Variants in CAMSAP1 observed in about 807,000 individuals in gnomAD.
The protein encoded by CAMSAP1 is calmodulin-regulated spectrin-associated protein 1.
In CAMSAP1, 58 loss-of-function variants were observed where a neutral mutation model predicts 143.5. The ratio of observed to expected loss-of-function variants is 0.40; its 90% confidence interval spans 0.33 to 0.50. The LOEUF (loss-of-function observed/expected upper bound fraction) is 0.50, where lower values mean the gene tolerates loss of function less well. Among genes scored for constraint, CAMSAP1 ranks in the 20% least tolerant of loss-of-function variants. The probability of loss-of-function intolerance (pLI) is 0.45; values close to 1 mark genes in which losing one functional copy is unlikely to be tolerated. For synonymous variants in CAMSAP1, 945 were observed against 859.3 expected (o/e 1.10, Z -1.74); for missense variants, 1,969 against 2,115.7 (o/e 0.93, Z 1.36).
intron 4 of CAMSAP1, chr9:135,865,215 A>G: frequency 1.0e-6 from 1 of 961,408 alleles, no homozygotes; most frequent in Non-Finnish European, 1.6e-6. Flanking sequence ...CCAAGGTGGG[A>G]CATTTAAACA....
intron 4 of CAMSAP1, among the ~76,000 whole-genome samples, chr9:135,863,288 C>T (rs1184141849): frequency 6.6e-6 from 1 of 152,186 alleles, no homozygotes; most frequent in African/African-American, 2.4e-5. Flanking sequence ...ATCAAACCCT[C>T]AGATCTGCCC....
At chr9:135,876,065 C>A (rs184390416) in intron 3 of CAMSAP1, among the ~76,000 whole-genome samples, 1 of 152,222 alleles carries the variant, frequency 6.6e-6, no homozygotes, top group East Asian at 1.9e-4. Context: ...AAGTGATTCT[C>A]CTGCCTCAGC....
rs77145293 is a variant in CAMSAP1, at chr9:135,885,488, C to G, written c.161-2410G>C. 6.6e-3 allele frequency among the ~76,000 whole-genome samples: 999 copies of G among 152,148 alleles called. 6 individuals are homozygous for G. The highest frequency in any genetic ancestry group is 0.022 in the African/African-American group (924 of 41,512). ...TGATGGCTCTGTGCAGAGTGGGAGA[C>G]GGGACAGGCACGTAAGTGGAGGGCT... On this transcript the variant is annotated intron_variant, in intron 1 of 16. Coordinates refer to ENST00000389532, the MANE Select transcript of CAMSAP1 (RefSeq NM_015447.4).
At chr9:135,860,582 A>T (rs887692274) in intron 5 of CAMSAP1, among the ~76,000 whole-genome samples, 4 of 139,202 alleles carry the variant, frequency 2.9e-5, no homozygotes, top group African/African-American at 1.1e-4. Flanking sequence ...TGGGTGACAG[A>T]GCAAGACTCT....
At chr9:135,903,935 G>T (rs1365429304) in intron 1 of CAMSAP1, among the ~76,000 whole-genome samples, 1 of 152,160 alleles carries the variant, frequency 6.6e-6, no homozygotes, top group Non-Finnish European at 1.5e-5. Flanking sequence ...AGCCACACTG[G>T]GTAGCAGCGA....
chr9:135,817,905 A>C (rs2131643916), intron 14 of CAMSAP1, 72 bp downstream of exon 14: 3 of 1,187,356 alleles, frequency 2.5e-6, no homozygotes, highest in East Asian at 2.4e-5. Context: ...CACCGTGTTT[A>C]ATCAGGAAGT....
At chr9:135,900,705 A>G (rs1304099322) in intron 1 of CAMSAP1, among the ~76,000 whole-genome samples, 1 of 152,012 alleles carries the variant, frequency 6.6e-6, no homozygotes, top group Non-Finnish European at 1.5e-5. Flanking sequence ...AAAAAAAAGA[A>G]AGAGAGGACT....
intron 1 of CAMSAP1, among the ~76,000 whole-genome samples, chr9:135,886,924 T>A (rs1262320194): frequency 6.6e-6 from 1 of 152,150 alleles, no homozygotes; most frequent in African/African-American, 2.4e-5. Flanking sequence ...CGGTCCCTTT[T>A]CCTAAGACAG....
chr9:135,819,672 T>TAAAAA (rs55894826), intron 11 of CAMSAP1, among the ~76,000 whole-genome samples: 3 of 104,632 alleles, frequency 2.9e-5, no homozygotes, highest in East Asian at 2.7e-4. Flanking sequence ...TGTCTCCACT[T>TAAAAA]AAAAAAAAAA....
At chr9:135,900,811 G>T (rs562471394) in intron 1 of CAMSAP1, among the ~76,000 whole-genome samples, 3 of 152,286 alleles carry the variant, frequency 2.0e-5, no homozygotes, top group Non-Finnish European at 4.4e-5. Context: ...CTGGAGTGCA[G>T]TGGCGTAGTC....
intron 7 of CAMSAP1, among the ~76,000 whole-genome samples, chr9:135,847,819 T>G: frequency 2.7e-5 from 1 of 37,256 alleles, no homozygotes; most frequent in African/African-American, 1.2e-4. Context: ...CTGCAGGTTG[T>G]GCACAAGTAT....
At chr9:135,904,255 G>A (rs796890363) in intron 1 of CAMSAP1, among the ~76,000 whole-genome samples, 7 of 152,104 alleles carry the variant, frequency 4.6e-5, no homozygotes, top group African/African-American at 1.7e-4. Context: ...ACAAAAGTTA[G>A]CCAGGCGTGG....
chr9:135,890,966 G>C (rs1838272233), intron 1 of CAMSAP1, among the ~76,000 whole-genome samples: 1 of 152,148 alleles, frequency 6.6e-6, no homozygotes, highest in East Asian at 1.9e-4. Context: ...CCTACCTAAG[G>C]ACTCTGGAAA....
Position 135,821,466 on chromosome 9 carries a change from C to G in CAMSAP1, c.3195G>C (p.Gln1065His). ...VPVPGSKNNS[Q>H]DHKVKAPVHF... ...GGACTGGTGCCTTCACTTTGTGGTC[C>G]TGCGAGTTATTCTTAGAGCCTGGCA... The change falls in exon 11 of 17, where the codon CAG becomes CAC. Residue 1065 changes from glutamine to histidine, a missense_variant. By Grantham distance (24) the Gln-to-His change is conservative. Coordinates refer to ENST00000389532, the MANE Select transcript of CAMSAP1 (RefSeq NM_015447.4). This position sits in a 1 kb window ranked among gnomAD's most constrained non-coding sequence, Gnocchi z 4.6. 1 of 1,614,064 alleles carries G rather than the reference C, an allele frequency of 6.2e-7. No homozygotes were observed. Among genetic ancestry groups the G allele is most frequent in the East Asian group, 2.2e-5 (1 of 44,870 alleles).
At position 135,818,101 on chromosome 9, in the gene CAMSAP1, G is replaced by A. The variant is rs1389456160; in HGVS notation, c.4169-22C>T. On this transcript the variant is annotated intron_variant, in intron 13 of 16. Coordinates refer to ENST00000389532, the MANE Select transcript of CAMSAP1 (RefSeq NM_015447.4). This position sits in a 1 kb window ranked among gnomAD's most constrained non-coding sequence, Gnocchi z 7.7. Reference sequence around the variant, plus strand: ...TCAGCTGCCAGAGACAGAAACAGACGACGGTTCATGAACGGATTCCGACAG... The same window carrying A: ...TCAGCTGCCAGAGACAGAAACAGACAACGGTTCATGAACGGATTCCGACAG... 3.7e-6 allele frequency: 6 copies of A among 1,609,106 alleles called. No homozygotes were observed. The East Asian group carries it at 6.7e-5, about 18-fold the overall frequency.
intron 3 of CAMSAP1, among the ~76,000 whole-genome samples, chr9:135,876,520 C>G (rs1042492521): frequency 6.6e-6 from 1 of 152,144 alleles, no homozygotes; most frequent in African/African-American, 2.4e-5. Flanking sequence ...ACTCAAATGG[C>G]TAAAGAGAAA....
At chr9:135,823,289 C>T (rs377113874) in intron 10 of CAMSAP1, 29 bp from the exon 11 acceptor site, 91 of 1,528,950 alleles carry the variant, frequency 6.0e-5, no homozygotes, top group Middle Eastern at 1.8e-4. Context: ...CCACTGGGTG[C>T]GCTGCGGTAT....
chr9:135,861,559 C>A (rs1564445762), intron 5 of CAMSAP1, among the ~76,000 whole-genome samples: 1 of 152,210 alleles, frequency 6.6e-6, no homozygotes, highest in African/African-American at 2.4e-5. Context: ...CCGCCTCGGC[C>A]TTCCAAAGTG....
Position 135,821,306 on chromosome 9 carries a change from G to A in CAMSAP1, c.3355C>T (p.Arg1119Ter), listed in dbSNP as rs748021232. ...ACACTGGGCGTTGGGGTTTTACTTC[G>A]GGAGGAGCCCTGTGGCCTGTCTTTT... ...VPKDRPQGSS[R>*]SKTPTPSVET... is the part of the protein sequence containing the mutation. The change falls in exon 11 of 17, where the codon CGA (arginine) becomes TGA (stop). Residue 1119 changes from arginine (R) to a stop codon, truncating the protein, a stop_gained. Transcript: ENST00000389532. LOFTEE classifies it high-confidence loss of function. This position sits in a 1 kb window ranked among gnomAD's most constrained non-coding sequence, Gnocchi z 4.6. 3.1e-6 allele frequency: 5 copies of A among 1,612,644 alleles called. No individual in the cohort carries two copies. Among genetic ancestry groups the A allele is most frequent in the South Asian group, 1.1e-5 (1 of 91,074 alleles).
Sources: allele counts gnomAD v4.1 joint callset (sites outside exome capture counted in the v4.1 genomes callset), GRCh38; gene constraint gnomAD v4.1.1; non-coding constraint Gnocchi (gnomAD v3.1); transcripts MANE v1.5; gene names NCBI Gene and HGNC (gene_info 2026-07-23, HGNC 2026-07-21).